Variants in MBNL2 observed in about 807,000 individuals in gnomAD.
MBNL2 encodes muscleblind like splicing regulator 2.
A neutral mutation model predicts 41.9 loss-of-function variants in MBNL2; 17 were observed. The observed-to-expected ratio is 0.41, with a 90% CI of 0.28 to 0.61. The LOEUF (loss-of-function observed/expected upper bound fraction) is 0.61, where lower values mean the gene tolerates loss of function less well. MBNL2 is among the 20% of genes least tolerant of loss of function. The probability of loss-of-function intolerance (pLI) is 0.35; values close to 1 mark genes in which losing one functional copy is unlikely to be tolerated. For synonymous variants in MBNL2, 195 were observed against 182.9 expected, an observed-to-expected ratio of 1.07 and a Z score of -0.53; for missense variants, 336 against 505.6, an observed-to-expected ratio of 0.66 and a Z score of 3.22.
At chr13:97,172,135 T>A in the MBNL2 span, among the ~76,000 whole-genome samples, 1 of 152,154 alleles carries the variant, frequency 6.6e-6, no homozygotes, top group African/African-American at 2.4e-5. Flanking sequence ...GAGCTTGTTT[T>A]TGTGGTATCC....
In MBNL2 at chr13:97,393,677, A is replaced by AT. The variant is rs2066448699; in HGVS notation, c.*2229dup. ...TTTATTTATAATGTAATTTTATAGA[A>AT]TAATTCTGGGATTTGAGAGGATCTA... is the stretch of plus-strand genomic sequence containing the variant. On this transcript the variant is annotated 3_prime_UTR_variant, in exon 9 of 9. Coordinates refer to ENST00000679496, the MANE Select transcript of MBNL2 (RefSeq NM_001382683.1). 1 of 152,572 alleles carries AT rather than the reference A, an allele frequency of 6.6e-6. No individual in the cohort carries two copies. 9.5% of individuals were successfully genotyped at this position (152,572 alleles called of 1,614,324 possible). A position where few individuals can be genotyped will look rare whatever the true frequency, so the allele number is the denominator to read the frequency against.
At chr13:97,241,210 A>G (rs2044215511) in intron 1 of MBNL2, among the ~76,000 whole-genome samples, 1 of 152,160 alleles carries the variant, frequency 6.6e-6, no homozygotes, top group Non-Finnish European at 1.5e-5. Flanking sequence ...GGAAGACTCA[A>G]TATCACATGT....
intron 5 of MBNL2, among the ~76,000 whole-genome samples, chr13:97,348,250 G>A (rs564798928): frequency 6.6e-6 from 1 of 151,864 alleles, no homozygotes; most frequent in Non-Finnish European, 1.5e-5. Flanking sequence ...TGTAGAGACA[G>A]GGTCTCACCA....
intron 2 of MBNL2, among the ~76,000 whole-genome samples, chr13:97,284,038 C>T (rs1199637577): frequency 6.6e-6 from 1 of 152,324 alleles, no homozygotes; most frequent in Non-Finnish European, 1.5e-5. Context: ...AAGATGCCTA[C>T]ATTCTAGCCC....
rs149911158 is a variant in MBNL2 at position 97,226,323 on chromosome 13, G to A, written c.-605+3792G>A. Among the ~76,000 whole-genome samples the A allele has an allele frequency of 2.4e-3, 370 of 152,298 alleles. 3 individuals are homozygous for A. Among genetic ancestry groups the A allele is most frequent in the African/African-American group, 8.5e-3 (352 of 41,566 alleles). On this transcript the variant is annotated intron_variant, in intron 1 of 8. Transcript: ENST00000679496. ...GCAGAAACGCTTGGTAATAAAAGTGGACTCAATAATTTACCTTAGTGTTTT... is the reference window on the plus strand; with the variant it reads ...GCAGAAACGCTTGGTAATAAAAGTGAACTCAATAATTTACCTTAGTGTTTT...
the MBNL2 span, among the ~76,000 whole-genome samples, chr13:97,143,871 T>C: frequency 2.0e-5 from 3 of 152,060 alleles, no homozygotes; most frequent in Admixed American, 2.0e-4. Context: ...TGAGACAGAG[T>C]CTTGCTCTGT....
At chr13:97,386,637 C>G (rs762088208) in intron 8 of MBNL2, among the ~76,000 whole-genome samples, 2 of 152,194 alleles carry the variant, frequency 1.3e-5, no homozygotes, top group Admixed American at 6.5e-5. Flanking sequence ...TATTAAATGG[C>G]TGCTCATAAC....
At chr13:97,335,120 T>C (rs2060767005) in intron 3 of MBNL2, among the ~76,000 whole-genome samples, 1 of 152,200 alleles carries the variant, frequency 6.6e-6, no homozygotes, top group African/African-American at 2.4e-5. Context: ...ACTTAGCATA[T>C]AAATATGTAT....
At chr13:97,347,095 A>T in intron 5 of MBNL2, 28 bp downstream of exon 5, 1 of 1,494,534 alleles carries the variant, frequency 6.7e-7, no homozygotes, top group Non-Finnish European at 8.9e-7. Context: ...CCGCCCCTGC[A>T]CCCCGGCGCC....
At chr13:97,196,057 T>C in the MBNL2 span, among the ~76,000 whole-genome samples, 1 of 152,212 alleles carries the variant, frequency 6.6e-6, no homozygotes, top group Non-Finnish European at 1.5e-5. Context: ...CCGTGTCTCA[T>C]ATCAATTCCA....
chr13:97,263,380 T>G (rs73555780), intron 1 of MBNL2, among the ~76,000 whole-genome samples: 10,220 of 152,178 alleles, frequency 0.067, 1,126 homozygotes, highest in African/African-American at 0.23. Context: ...CTATACTAAC[T>G]ATGCTGATGT....
chr13:97,374,236 CT>C (rs1566448911), intron 8 of MBNL2, among the ~76,000 whole-genome samples: 1 of 151,870 alleles, frequency 6.6e-6, no homozygotes, highest in Non-Finnish European at 1.5e-5. Context: ...CCAGCTCCGC[CT>C]CCCGGGTTCA....
At chr13:97,142,353 G>C in the MBNL2 span, among the ~76,000 whole-genome samples, 1 of 152,182 alleles carries the variant, frequency 6.6e-6, no homozygotes, top group Non-Finnish European at 1.5e-5. Context: ...TGAGACGATA[G>C]ATTCACCTCT....
chr13:97,229,843 G>T (rs187747929), intron 1 of MBNL2, among the ~76,000 whole-genome samples: 1 of 152,214 alleles, frequency 6.6e-6, no homozygotes, highest in Non-Finnish European at 1.5e-5. Context: ...AGGGTTAGAG[G>T]TCAGAACATT....
chr13:97,180,883 A>G, the MBNL2 span, among the ~76,000 whole-genome samples: 3 of 152,172 alleles, frequency 2.0e-5, no homozygotes, highest in East Asian at 3.9e-4. Context: ...AAAGGTTAGA[A>G]GCCCAAATGG....
At chr13:97,193,739 A>G in the MBNL2 span, among the ~76,000 whole-genome samples, 47 of 152,222 alleles carry the variant, frequency 3.1e-4, no homozygotes, top group African/African-American at 1.1e-3. Context: ...AGTGGCTGAG[A>G]CTTTAGTGGT....
the MBNL2 span, among the ~76,000 whole-genome samples, chr13:97,201,602 TTTATC>T: frequency 1.3e-5 from 2 of 152,170 alleles, no homozygotes; most frequent in Non-Finnish European, 1.5e-5. Flanking sequence ...ACTAAAAACT[TTTATC>T]TATTCATTAT....
chr13:97,351,377 C>T (rs774413725), intron 5 of MBNL2, among the ~76,000 whole-genome samples: 1 of 152,226 alleles, frequency 6.6e-6, no homozygotes, highest in Non-Finnish European at 1.5e-5. Context: ...TTTAAATTCA[C>T]CAGCTGCATT....
At chr13:97,161,716 A>T in the MBNL2 span, among the ~76,000 whole-genome samples, 1 of 152,214 alleles carries the variant, frequency 6.6e-6, no homozygotes, top group Non-Finnish European at 1.5e-5. Flanking sequence ...GAATATAAAC[A>T]TTCCTGAAAT....
Sources: gnomAD v4.1 joint callset for allele counts (sites outside exome capture counted in the v4.1 genomes callset) on GRCh38, gnomAD v4.1.1 for gene constraint, MANE v1.5 for transcripts, NCBI Gene and HGNC (gene_info 2026-07-23, HGNC 2026-07-21) for gene names.